ARHGAP23: variants seen among roughly 807,000 people sequenced by gnomAD.
ARHGAP23 encodes the protein rho GTPase-activating protein 23.
In ARHGAP23, 34 loss-of-function variants were observed where a neutral mutation model predicts 136.3. The ratio of observed to expected loss-of-function variants is 0.25; its 90% CI spans 0.19 to 0.33. ARHGAP23 has a LOEUF of 0.33. Ranked by LOEUF, ARHGAP23 falls within the 10% of genes least tolerant of loss-of-function variation. ARHGAP23 has a pLI of 1.00. For missense variants in ARHGAP23, 1,808 were observed against 2,139.0 expected, an observed-to-expected ratio of 0.85 and a Z score of 3.05; for synonymous variants, 832 against 920.5, an observed-to-expected ratio of 0.90 and a Z score of 1.74.
intron 3 of ARHGAP23, among the ~76,000 whole-genome samples, chr17:38,461,392 A>G (rs1048809526): frequency 6.6e-6 from 1 of 152,132 alleles, no homozygotes. Flanking sequence ...TTTCTCTCAT[A>G]TGATGTGAGC....
rs187473331 is a variant in ARHGAP23 at position 38,476,807 on chromosome 17, C to T, written c.2119-772C>T. On this transcript the variant is annotated intron_variant, in intron 11 of 23. Coordinates refer to ENST00000622683, the MANE Select transcript of ARHGAP23 (RefSeq NM_001199417.2). ...TCCTGTGCATTGTGCAATGTTTAGC[C>T]GCATCCCTCAGATGCCATAGCACAC... 3.3e-5 allele frequency among the ~76,000 whole-genome samples: 5 copies of T among 151,896 alleles called. No individual in the cohort carries two copies. The East Asian group carries it at 9.7e-4, about 29-fold the overall frequency.
chr17:38,472,084 C>T (rs2039773958), intron 11 of ARHGAP23, 78 bp downstream of exon 11: 10 of 1,330,150 alleles, frequency 7.5e-6, no homozygotes, highest in Admixed American at 5.0e-5. Flanking sequence ...CCCTGACAGC[C>T]TCTGGAGCCA....
At chr17:38,494,842 C>T (rs1306379334) in intron 20 of ARHGAP23, among the ~76,000 whole-genome samples, 1 of 152,140 alleles carries the variant, frequency 6.6e-6, no homozygotes, top group African/African-American at 2.4e-5. Context: ...AACAGGGTGG[C>T]AGGAACTAGT....
chr17:38,453,866 G>T lies in ARHGAP23; in HGVS notation c.64-4236G>T, dbSNP rs1373203183. On this transcript the variant is annotated intron_variant, in intron 1 of 23. Coordinates refer to ENST00000622683, the MANE Select transcript of ARHGAP23 (RefSeq NM_001199417.2). Reference sequence around the variant, plus strand: ...GGGTCGAGGACGCCGTCTGCCGGGCGCCTAGCAGCGGCCCCGGGCCCCCGC... The same window carrying T: ...GGGTCGAGGACGCCGTCTGCCGGGCTCCTAGCAGCGGCCCCGGGCCCCCGC... The T allele has an allele frequency of 4.1e-5, 6 of 145,020 alleles. No individual in the cohort carries two copies. The East Asian group carries it at 8.1e-4, about 20-fold the overall frequency. The allele number at this position is 145,020 out of a possible 1,614,324, so 9.0% of individuals were successfully genotyped here. A position where few individuals can be genotyped will look rare whatever the true frequency, so the allele number is the denominator to read the frequency against.
At chr17:38,439,741 G>GATT (rs1324187425) in intron 1 of ARHGAP23, among the ~76,000 whole-genome samples, 1 of 151,900 alleles carries the variant, frequency 6.6e-6, no homozygotes, top group East Asian at 1.9e-4. Flanking sequence ...CCTGAGTCAG[G>GATT]ATTCAATCCA....
chr17:38,481,090 C>A (rs2040028275), intron 14 of ARHGAP23, among the ~76,000 whole-genome samples: 1 of 152,096 alleles, frequency 6.6e-6, no homozygotes, highest in South Asian at 2.1e-4. Flanking sequence ...ATTCTTGTGC[C>A]TCAGCCCCGC....
Position 38,467,239 on chromosome 17 carries a change from A to G in ARHGAP23, c.1556A>G (p.Glu519Gly). ...MNLGFGDESPEPEASGRGERL... is the reference protein window; with the variant it reads ...MNLGFGDESPGPEASGRGERL... Reference sequence around the variant, plus strand: ...CTTGGATTTGGTGACGAGTCCCCAGAGCCAGAGGCCAGTGGGCGAGGGGAA... The same window carrying G: ...CTTGGATTTGGTGACGAGTCCCCAGGGCCAGAGGCCAGTGGGCGAGGGGAA... Residue 519 changes from glutamate (E) to glycine (G), a missense_variant, in exon 7 of 24, where the codon GAG becomes GGG. By Grantham distance (98) the Glu-to-Gly change is moderately conservative. Coordinates refer to ENST00000622683, the MANE Select transcript of ARHGAP23 (RefSeq NM_001199417.2). 1 of 1,550,800 alleles carries G rather than the reference A, an allele frequency of 6.4e-7. No individual in the cohort carries two copies. The highest frequency in any genetic ancestry group is 8.7e-7 in the Non-Finnish European group (1 of 1,146,488).
rs550464243 is a variant in ARHGAP23, at chr17:38,471,971, T to C, written c.2083T>C (p.Leu695=). The C allele has an allele frequency of 1.3e-4, 196 of 1,549,596 alleles. No individual in the cohort carries two copies. In the South Asian group the frequency reaches 1.7e-3, roughly 13 times the overall value. The change falls in exon 11 of 24, where the codon TTG becomes CTG. Residue 695 remains leucine (L), a synonymous_variant. Transcript: ENST00000622683. ...CAGCGATATCAGGAGAGAAGGCTGG[T>C]TGTATTATAAGCAGATTCTCACCAA... The part of the protein sequence containing the change: ...TFSDIRREGW[L]YYKQILTKKG...
chr17:38,440,984 C>T (rs1008711467), intron 1 of ARHGAP23, among the ~76,000 whole-genome samples: 4 of 152,174 alleles, frequency 2.6e-5, no homozygotes, highest in Admixed American at 6.5e-5. Flanking sequence ...ATTTTGGCCA[C>T]GGGTGACCAG....
chr17:38,464,501 C>T (rs2039536610), intron 6 of ARHGAP23, among the ~76,000 whole-genome samples: 1 of 152,240 alleles, frequency 6.6e-6, no homozygotes, highest in Admixed American at 6.5e-5. Context: ...ACTGTAATCA[C>T]AGTGCCATGC....
At chr17:38,430,630 A>G (rs1468120169) in intron 1 of ARHGAP23, among the ~76,000 whole-genome samples, 4 of 152,164 alleles carry the variant, frequency 2.6e-5, no homozygotes, top group Non-Finnish European at 1.5e-5. Context: ...TTACAGTGTG[A>G]GGGACTGCAG....
chr17:38,466,038 T>G, intron 6 of ARHGAP23, 129 bp from the exon 7 acceptor site: 1 of 348,402 alleles, frequency 2.9e-6, no homozygotes, highest in Non-Finnish European at 4.8e-6. Flanking sequence ...TGCCTCTCCC[T>G]CGTTCCCCCC....
chr17:38,469,809 G>T, intron 9 of ARHGAP23, 38 bp from the exon 10 acceptor site: 1 of 1,550,580 alleles, frequency 6.4e-7, no homozygotes, highest in African/African-American at 1.4e-5. Context: ...TCCCAGCTTT[G>T]CTGCCCACAT....
At chr17:38,428,400 T>G, upstream of ARHGAP23, 4 of 561,398 alleles carry the variant, frequency 7.1e-6, no homozygotes, top group Non-Finnish European at 1.0e-5. Context: ...CACACCGCGC[T>G]CGGCCCCGCC....
chr17:38,455,193 T>C (rs1419175423), intron 1 of ARHGAP23, among the ~76,000 whole-genome samples: 1 of 152,216 alleles, frequency 6.6e-6, no homozygotes, highest in Non-Finnish European at 1.5e-5. Context: ...AACATGCATG[T>C]ATTATAGCAT....
chr17:38,497,759 A>G, intron 20 of ARHGAP23, 26 bp from the exon 21 acceptor site: 1 of 1,549,358 alleles, frequency 6.5e-7, no homozygotes, highest in Non-Finnish European at 8.7e-7. Flanking sequence ...TGCTGATTTC[A>G]TCCCTTCCTT....
chr17:38,446,907 G>C (rs983662654), intron 1 of ARHGAP23, among the ~76,000 whole-genome samples: 1 of 152,044 alleles, frequency 6.6e-6, no homozygotes, highest in Non-Finnish European at 1.5e-5. Flanking sequence ...TCCAACTCCT[G>C]GGTTCAAGGG....
intron 3 of ARHGAP23, among the ~76,000 whole-genome samples, chr17:38,462,409 CCA>C (rs1420679305): frequency 6.6e-6 from 1 of 151,858 alleles, no homozygotes; most frequent in African/African-American, 2.4e-5. Flanking sequence ...ATGCGTGCCA[CCA>C]CACACAGCTA....
At chr17:38,495,657 C>T (rs2040376276) in intron 20 of ARHGAP23, among the ~76,000 whole-genome samples, 1 of 152,188 alleles carries the variant, frequency 6.6e-6, no homozygotes, top group Non-Finnish European at 1.5e-5. Flanking sequence ...ATAACTGAGG[C>T]TCATGGCGTA....
Sources: gnomAD v4.1 joint callset for allele counts (sites outside exome capture counted in the v4.1 genomes callset) on GRCh38, gnomAD v4.1.1 for gene constraint, MANE v1.5 for transcripts, NCBI Gene and HGNC (gene_info 2026-07-23, HGNC 2026-07-21) for gene names.